The following NAALADL2 variants were observed in gnomAD, a reference collection of about 807,000 sequenced individuals.
The protein encoded by NAALADL2 is inactive N-acetylated-alpha-linked acidic dipeptidase-like protein 2.
A neutral mutation model predicts 87.2 loss-of-function variants in NAALADL2; 76 were observed. That is an observed-to-expected ratio of 0.87 (90% CI 0.72 to 1.05). The LOEUF (loss-of-function observed/expected upper bound fraction) is 1.05, where lower values mean the gene tolerates loss of function less well. Among genes scored for constraint, NAALADL2 ranks in the 50% least tolerant of loss-of-function variants. The probability of loss-of-function intolerance (pLI) is 0.00; values close to 1 mark genes in which losing one functional copy is unlikely to be tolerated. For synonymous variants in NAALADL2, 354 were observed against 331.0 expected (o/e 1.07, Z -0.75); for missense variants, 1,089 against 945.8 (o/e 1.15, Z -1.99).
At chr3:174,727,723 C>A (rs1248231247) in intron 2 of NAALADL2, among the ~76,000 whole-genome samples, 1 of 152,092 alleles carries the variant, frequency 6.6e-6, no homozygotes, top group Non-Finnish European at 1.5e-5. Flanking sequence ...GTTGACACTT[C>A]ACTCTCAACC....
At chr3:174,956,229 C>G (rs1266086564) in intron 1 of NAALADL2, among the ~76,000 whole-genome samples, 2 of 152,052 alleles carry the variant, frequency 1.3e-5, no homozygotes, top group East Asian at 3.9e-4. Flanking sequence ...ATCTCATTTT[C>G]TTTCCACGAT....
intron 2 of NAALADL2, among the ~76,000 whole-genome samples, chr3:174,554,755 A>G (rs1022152187): frequency 2.6e-5 from 4 of 152,204 alleles, no homozygotes; most frequent in African/African-American, 7.2e-5. Flanking sequence ...TTTTGTAGTC[A>G]TATATACCAA....
chr3:174,600,258 C>G (rs1718307955), intron 2 of NAALADL2, among the ~76,000 whole-genome samples: 1 of 152,032 alleles, frequency 6.6e-6, no homozygotes, highest in African/African-American at 2.4e-5. Flanking sequence ...CAGAGCTTTT[C>G]AACCTTTAGC....
intron 9 of NAALADL2, among the ~76,000 whole-genome samples, chr3:175,561,855 C>T (rs960316178): frequency 3.9e-5 from 6 of 152,144 alleles, no homozygotes; most frequent in African/African-American, 1.4e-4. Context: ...CACAGGGTAT[C>T]TTTTTTGTGT....
intron 1 of NAALADL2, among the ~76,000 whole-genome samples, chr3:175,047,772 GA>G (rs1362654480): frequency 2.0e-5 from 3 of 152,108 alleles, no homozygotes; most frequent in South Asian, 2.1e-4. Context: ...AAACATACAT[GA>G]AAAACTCTGG....
At position 175,544,989 on chromosome 3, in the gene NAALADL2, G is replaced by C. The variant is rs1182872558; in HGVS notation, c.1654-31052G>C. 2.0e-5 allele frequency among the ~76,000 whole-genome samples: 3 copies of C among 152,130 alleles called. No individual in the cohort carries two copies. The East Asian group carries it at 5.8e-4, about 29-fold the overall frequency. On this transcript the variant is annotated intron_variant, in intron 9 of 13. Transcript: ENST00000454872. ...ACACTCAAGATTCTTTCGATGGATG[G>C]TCTTTCTATAGTCTGGAATAACAAT...
At chr3:175,329,884 G>A (rs116496300) in intron 5 of NAALADL2, among the ~76,000 whole-genome samples, 2,054 of 152,198 alleles carry the variant, frequency 0.013, 52 homozygotes, top group African/African-American at 0.046. Context: ...TTTTGGCGAC[G>A]TAAGTTCTCT....
chr3:175,442,685 G>A (rs1353317928), intron 5 of NAALADL2, among the ~76,000 whole-genome samples: 2 of 152,160 alleles, frequency 1.3e-5, no homozygotes, highest in Non-Finnish European at 2.9e-5. Context: ...ATCAGGGATT[G>A]AATTATTGAC....
chr3:174,591,551 A>G (rs183728301), intron 2 of NAALADL2, among the ~76,000 whole-genome samples: 2 of 152,282 alleles, frequency 1.3e-5, no homozygotes, highest in Middle Eastern at 3.4e-3. Flanking sequence ...CATCTTTCTT[A>G]TAAGGGAAGC....
intron 11 of NAALADL2, among the ~76,000 whole-genome samples, chr3:175,723,381 A>G (rs539490515): frequency 2.6e-5 from 4 of 152,290 alleles, no homozygotes; most frequent in Admixed American, 2.0e-4. Context: ...ACAGAGGCCC[A>G]TAGAAGTTCA....
intron 1 of NAALADL2, among the ~76,000 whole-genome samples, chr3:175,016,094 C>G (rs1425784238): frequency 6.6e-6 from 1 of 151,362 alleles, no homozygotes; most frequent in Non-Finnish European, 1.5e-5. Flanking sequence ...ACCTGAAACT[C>G]CTTCAGTATT....
intron 3 of NAALADL2, among the ~76,000 whole-genome samples, chr3:175,249,454 TA>T (rs941129400): frequency 1.3e-5 from 2 of 152,116 alleles, no homozygotes; most frequent in African/African-American, 4.8e-5. Context: ...ACCTGTTTTT[TA>T]AAAAAGGTAT....
chr3:175,462,998 T>C (rs1262478234), intron 6 of NAALADL2, among the ~76,000 whole-genome samples: 1 of 152,228 alleles, frequency 6.6e-6, no homozygotes, highest in African/African-American at 2.4e-5. Flanking sequence ...GTTCTTTATC[T>C]GAAAATAGAA....
chr3:175,110,878 G>A (rs1302874010), intron 2 of NAALADL2, among the ~76,000 whole-genome samples: 3 of 151,656 alleles, frequency 2.0e-5, no homozygotes, highest in Non-Finnish European at 4.4e-5. Context: ...GAAACAAGAT[G>A]AATGACAAGA....
At chr3:175,084,318 C>G (rs1401491908) in intron 1 of NAALADL2, among the ~76,000 whole-genome samples, 2 of 152,102 alleles carry the variant, frequency 1.3e-5, no homozygotes, top group East Asian at 3.9e-4. Flanking sequence ...GACTGCTTGT[C>G]ACTTGGTAGC....
At chr3:175,046,427 T>A (rs904935489) in intron 1 of NAALADL2, among the ~76,000 whole-genome samples, 1 of 152,170 alleles carries the variant, frequency 6.6e-6, no homozygotes, top group South Asian at 2.1e-4. Flanking sequence ...TTCATAAATC[T>A]ATTGTTGTCC....
intron 2 of NAALADL2, among the ~76,000 whole-genome samples, chr3:174,565,222 T>C (rs1714110465): frequency 6.6e-6 from 1 of 152,126 alleles, no homozygotes; most frequent in Non-Finnish European, 1.5e-5. Flanking sequence ...CTTTGTATTG[T>C]ACATTCTATG....
intron 1 of NAALADL2, among the ~76,000 whole-genome samples, chr3:174,962,371 CATATATATAT>C (rs140830010): frequency 2.8e-4 from 21 of 75,734 alleles, no homozygotes; most frequent in African/African-American, 9.5e-4. Context: ...GTGACTATGA[CATATATATAT>C]ATATATATAT....
At chr3:175,084,465 A>G (rs368373783) in intron 1 of NAALADL2, among the ~76,000 whole-genome samples, 1 of 152,142 alleles carries the variant, frequency 6.6e-6, no homozygotes, top group Admixed American at 6.5e-5. Flanking sequence ...CCAACAAAGT[A>G]GTTTAATTTC....
Sources: allele counts gnomAD v4.1 joint callset (sites outside exome capture counted in the v4.1 genomes callset), GRCh38; gene constraint gnomAD v4.1.1; transcripts MANE v1.5; gene names NCBI Gene and HGNC (gene_info 2026-07-23, HGNC 2026-07-21).